The following RAP1GAP2 variants were observed in gnomAD, a reference collection of about 807,000 sequenced individuals.
RAP1GAP2 encodes the protein RAP1 GTPase activating protein 2.
A neutral mutation model predicts 95.0 loss-of-function variants in RAP1GAP2; 27 were observed. The ratio of observed to expected loss-of-function variants is 0.28; its 90% confidence interval spans 0.21 to 0.39. RAP1GAP2 has a LOEUF of 0.39. Ranked by LOEUF, RAP1GAP2 falls within the 10% of genes least tolerant of loss-of-function variation. RAP1GAP2 has a pLI of 1.00. For missense variants in RAP1GAP2, 771 were observed against 970.0 expected (o/e 0.79, Z 2.72); for synonymous variants, 373 against 380.9 (o/e 0.98, Z 0.24).
chr17:2,925,404 A>G (rs148740600), intron 3 of RAP1GAP2, among the ~76,000 whole-genome samples: 64 of 152,288 alleles, frequency 4.2e-4, no homozygotes, highest in South Asian at 2.1e-3. Flanking sequence ...AAGGAGAAGC[A>G]TGTGCCTTCT....
intron 2 of RAP1GAP2, among the ~76,000 whole-genome samples, chr17:2,905,083 A>G (rs1317901989): frequency 6.6e-6 from 1 of 152,090 alleles, no homozygotes; most frequent in Non-Finnish European, 1.5e-5. Context: ...GGGTTTCACC[A>G]TGTTGGTCAG....
rs999543451 is a variant in RAP1GAP2 at position 2,800,447 on chromosome 17, C to G, written c.45-68C>G. 4.1e-5 allele frequency: 44 copies of G among 1,063,264 alleles called. 1 individual carries two copies. The South Asian group carries it at 5.6e-4, about 14-fold the overall frequency. The allele number at this position is 1,063,264 out of a possible 1,614,324, so 65.9% of individuals were successfully genotyped here. On this transcript the variant is annotated intron_variant, in intron 1 of 24. Transcript: ENST00000254695. ...GGTTTGGGCTGTCCCGGGGACTCCT[C>G]CATACAGATGCTATGTAGGAGTCTT...
At chr17:2,774,865 G>A (rs1410121369), upstream of RAP1GAP2, among the ~76,000 whole-genome samples, 1 of 142,734 alleles carries the variant, frequency 7.0e-6, no homozygotes, top group Non-Finnish European at 1.5e-5. Context: ...CTGTTGCCCA[G>A]GCTGGAGTGC....
chr17:2,828,042 GA>G (rs1221999954), intron 2 of RAP1GAP2, among the ~76,000 whole-genome samples: 1 of 152,014 alleles, frequency 6.6e-6, no homozygotes, highest in Non-Finnish European at 1.5e-5. Flanking sequence ...TTGGGTCTTA[GA>G]ATTTAACTTA....
chr17:2,988,500 T>G (rs1156889891), intron 11 of RAP1GAP2, among the ~76,000 whole-genome samples: 2 of 152,200 alleles, frequency 1.3e-5, no homozygotes, highest in Non-Finnish European at 2.9e-5. Flanking sequence ...GAGATTGGCT[T>G]TTTTCCAGTC....
chr17:2,870,378 A>T lies in RAP1GAP2; in HGVS notation c.81-34906A>T, dbSNP rs1299770869. On this transcript the variant is annotated intron_variant, in intron 2 of 24. Coordinates refer to ENST00000254695, the MANE Select transcript of RAP1GAP2 (RefSeq NM_015085.5). This position sits in a 1 kb window ranked among gnomAD's most constrained non-coding sequence, Gnocchi z 4.4. ...GTGATCTGCCTGCCTCGTCCTCCCA[A>T]AGTGCTGGGATTACAGGCATGAGCC... Among the ~76,000 whole-genome samples the T allele has an allele frequency of 1.3e-5, 2 of 151,968 alleles. No homozygotes were observed. The highest frequency in any genetic ancestry group is 2.9e-5 in the Non-Finnish European group (2 of 67,988).
chr17:3,030,575 A>G (rs1597916506), intron 22 of RAP1GAP2, among the ~76,000 whole-genome samples: 1 of 152,228 alleles, frequency 6.6e-6, no homozygotes, highest in African/African-American at 2.4e-5. Flanking sequence ...GGGTGTTTCT[A>G]CCACATGGAT....
chr17:2,974,170 T>G (rs2044997981), intron 8 of RAP1GAP2, among the ~76,000 whole-genome samples: 1 of 142,516 alleles, frequency 7.0e-6, no homozygotes, highest in Non-Finnish European at 1.5e-5. Flanking sequence ...TGAAACCCTG[T>G]CTCTACTAAA....
chr17:2,895,971 A>T (rs1023880066), intron 2 of RAP1GAP2, among the ~76,000 whole-genome samples: 6 of 151,646 alleles, frequency 4.0e-5, no homozygotes, highest in African/African-American at 1.2e-4. Context: ...CATGCTGGTC[A>T]CGTTCCTCTG....
At chr17:3,020,668 C>A in intron 19 of RAP1GAP2, 73 bp downstream of exon 19, 1 of 1,342,996 alleles carries the variant, frequency 7.4e-7, no homozygotes, top group Non-Finnish European at 1.0e-6. Context: ...TACAGCTGTT[C>A]AGTGCCCTAC....
chr17:3,023,828 C>T (rs1310052878), intron 19 of RAP1GAP2, among the ~76,000 whole-genome samples: 1 of 152,122 alleles, frequency 6.6e-6, no homozygotes, highest in African/African-American at 2.4e-5. Flanking sequence ...CCGACAGGCC[C>T]TGGTGTGTGA....
intron 18 of RAP1GAP2, among the ~76,000 whole-genome samples, chr17:3,020,004 G>T (rs2046901758): frequency 6.6e-6 from 1 of 152,182 alleles, no homozygotes. Flanking sequence ...TTATTGGAAC[G>T]CCTGCGCGGC....
intron 2 of RAP1GAP2, among the ~76,000 whole-genome samples, chr17:2,845,233 C>T (rs1186948429): frequency 6.6e-6 from 1 of 152,174 alleles, no homozygotes; most frequent in Non-Finnish European, 1.5e-5. Context: ...ACCTCTGCCT[C>T]CCGGGTTCAA....
intron 19 of RAP1GAP2, among the ~76,000 whole-genome samples, chr17:3,021,374 T>G (rs371579406): frequency 3.6e-4 from 53 of 145,546 alleles, no homozygotes; most frequent in African/African-American, 1.3e-3. Flanking sequence ...ACTTTCTATC[T>G]CCACGAGATT....
At chr17:2,828,453 C>A (rs2070685211) in intron 2 of RAP1GAP2, among the ~76,000 whole-genome samples, 1 of 151,020 alleles carries the variant, frequency 6.6e-6, no homozygotes, top group Non-Finnish European at 1.5e-5. Flanking sequence ...TGAAGGAGAC[C>A]CGAAGGAAGA....
chr17:3,020,633 G>T, intron 19 of RAP1GAP2, 38 bp downstream of exon 19: 1 of 1,578,382 alleles, frequency 6.3e-7, no homozygotes. Context: ...CCTGACTTGC[G>T]GGGTCTGTCA....
At chr17:2,868,177 C>T (rs2072692752) in intron 2 of RAP1GAP2, among the ~76,000 whole-genome samples, 1 of 152,104 alleles carries the variant, frequency 6.6e-6, no homozygotes, top group South Asian at 2.1e-4. Context: ...ATACAGATTG[C>T]CCCTCCTTCC....
At chr17:2,820,636 A>AT (rs1321137746) in intron 2 of RAP1GAP2, among the ~76,000 whole-genome samples, 1 of 151,428 alleles carries the variant, frequency 6.6e-6, no homozygotes, top group African/African-American at 2.4e-5. Context: ...AAAAAAAAAA[A>AT]GAGGACTTAG....
rs1045118532 is a variant in RAP1GAP2, at chr17:3,003,197, G to A, written c.1201-2172G>A. On this transcript the variant is annotated intron_variant, in intron 14 of 24. Coordinates refer to ENST00000254695, the MANE Select transcript of RAP1GAP2 (RefSeq NM_015085.5). The surrounding 1 kb of genome is among the most constrained non-coding windows in gnomAD (Gnocchi z 4.1). ...GAGCTGTGGCTGAGGTCCTGTCTGG[G>A]TCTGCTTGCGGTCTTGGTCATTGAG... is the stretch of plus-strand genomic sequence containing the variant. Among the ~76,000 whole-genome samples the A allele has an allele frequency of 2.0e-5, 3 of 152,134 alleles. No homozygotes were observed. The highest frequency in any genetic ancestry group is 7.2e-5 in the African/African-American group (3 of 41,414).
Sources: gnomAD v4.1 joint callset for allele counts (sites outside exome capture counted in the v4.1 genomes callset) on GRCh38, gnomAD v4.1.1 for gene constraint, Gnocchi (gnomAD v3.1) non-coding constraint, MANE v1.5 for transcripts, NCBI Gene and HGNC (gene_info 2026-07-23, HGNC 2026-07-21) for gene names.